The following CRPPA variants were observed in gnomAD, a reference collection of about 807,000 sequenced individuals.
CRPPA encodes the protein CDP-L-ribitol pyrophosphorylase A.
CRPPA carries 43 observed loss-of-function variants against 52.0 expected under a neutral mutation model. The observed-to-expected ratio is 0.83, with a 90% CI of 0.65 to 1.07. The LOEUF (loss-of-function observed/expected upper bound fraction) is 1.07, where lower values mean the gene tolerates loss of function less well. Among genes scored for constraint, CRPPA ranks in the 50% least tolerant of loss-of-function variants. The pLI is 0.00. For missense variants in CRPPA, 629 were observed against 551.7 expected (o/e 1.14, Z -1.40); for synonymous variants, 250 against 203.5 (o/e 1.23, Z -1.94).
At chr7:16,332,711 G>A (rs1237545789) in intron 3 of CRPPA, among the ~76,000 whole-genome samples, 1 of 151,842 alleles carries the variant, frequency 6.6e-6, no homozygotes, top group Non-Finnish European at 1.5e-5. Flanking sequence ...TAAAAAACAA[G>A]GCAGAAAAAC....
chr7:16,178,303 T>G (rs903846765), intron 9 of CRPPA, among the ~76,000 whole-genome samples: 1 of 152,104 alleles, frequency 6.6e-6, no homozygotes, highest in African/African-American at 2.4e-5. Context: ...TCTGCTGGCA[T>G]CTGGAGATTG....
At chr7:16,284,075 C>A (rs1015207745) in intron 5 of CRPPA, among the ~76,000 whole-genome samples, 19 of 151,912 alleles carry the variant, frequency 1.3e-4, no homozygotes, top group African/African-American at 4.3e-4. Flanking sequence ...ATTTTCTTTT[C>A]TTTTCTTTTT....
At chr7:16,410,083 G>A (rs1252815374) in intron 1 of CRPPA, among the ~76,000 whole-genome samples, 1 of 152,184 alleles carries the variant, frequency 6.6e-6, no homozygotes, top group East Asian at 1.9e-4. Context: ...AATGAAAACA[G>A]CATTCCCTAT....
intron 9 of CRPPA, among the ~76,000 whole-genome samples, chr7:16,103,356 T>C (rs1373886979): frequency 3.3e-5 from 5 of 152,116 alleles, no homozygotes; most frequent in African/African-American, 7.2e-5. Flanking sequence ...CTAATATAGA[T>C]GACGGGTTGA....
chr7:16,420,444 T>C (rs1788298377), intron 1 of CRPPA, among the ~76,000 whole-genome samples: 1 of 152,088 alleles, frequency 6.6e-6, no homozygotes, highest in Non-Finnish European at 1.5e-5. Flanking sequence ...CCTTATCCCA[T>C]TCCCTGTCTC....
chr7:16,104,546 A>T (rs1226586550), intron 9 of CRPPA, among the ~76,000 whole-genome samples: 1 of 152,254 alleles, frequency 6.6e-6, no homozygotes, highest in African/African-American at 2.4e-5. Flanking sequence ...GGTGGGCACA[A>T]AGTAGGAATA....
intron 8 of CRPPA, chr7:16,237,472 C>T (rs551784761): frequency 6.6e-6 from 1 of 152,148 alleles, no homozygotes; most frequent in East Asian, 1.9e-4. Context: ...GAGGGCTCTA[C>T]TCTCAAGATC....
intron 9 of CRPPA, among the ~76,000 whole-genome samples, chr7:16,136,193 T>C (rs184455140): frequency 5.1e-4 from 78 of 152,328 alleles, no homozygotes; most frequent in African/African-American, 1.9e-3. Context: ...CACATAAATA[T>C]AAAATCAAGT....
intron 9 of CRPPA, among the ~76,000 whole-genome samples, chr7:16,148,867 C>A (rs1194407148): frequency 6.6e-6 from 1 of 152,112 alleles, no homozygotes; most frequent in African/African-American, 2.4e-5. Context: ...GATGGATATG[C>A]TAATTGCCCT....
chr7:16,305,725 GTGTGGTGGCAAGCGCC>G (rs1220042366), intron 4 of CRPPA, among the ~76,000 whole-genome samples: 4 of 152,084 alleles, frequency 2.6e-5, no homozygotes, highest in Non-Finnish European at 4.4e-5. Context: ...AATTAGCTGA[GTGTGGTGGCAAGCGCC>G]TGTGGTGGCA....
chr7:16,352,851 C>G (rs1786191947), intron 3 of CRPPA, among the ~76,000 whole-genome samples: 1 of 148,676 alleles, frequency 6.7e-6, no homozygotes, highest in Non-Finnish European at 1.5e-5. Flanking sequence ...CTTAAGCGAC[C>G]AAAGGTCACA....
chr7:16,181,756 T>C (rs980132484), intron 9 of CRPPA, among the ~76,000 whole-genome samples: 1 of 152,010 alleles, frequency 6.6e-6, no homozygotes, highest in Non-Finnish European at 1.5e-5. Flanking sequence ...TCCACATATA[T>C]AACAGCCTCT....
At chr7:16,257,429 C>T (rs1783673434) in intron 8 of CRPPA, among the ~76,000 whole-genome samples, 1 of 152,006 alleles carries the variant, frequency 6.6e-6, no homozygotes. Context: ...CTATGAAGAT[C>T]AATTACATAA....
chr7:16,383,525 C>T (rs1787171963), intron 2 of CRPPA, among the ~76,000 whole-genome samples: 1 of 152,212 alleles, frequency 6.6e-6, no homozygotes, highest in African/African-American at 2.4e-5. Context: ...CTCTTCAAAG[C>T]TGTCAGACAG....
intron 2 of CRPPA, among the ~76,000 whole-genome samples, chr7:16,396,407 T>TA (rs1405717115): frequency 6.6e-5 from 10 of 151,712 alleles, no homozygotes; most frequent in East Asian, 3.9e-4. Context: ...AACCAAAACC[T>TA]AAAAAAAACA....
chr7:16,218,246 G>A (rs1386105763), intron 8 of CRPPA, among the ~76,000 whole-genome samples: 1 of 130,144 alleles, frequency 7.7e-6, no homozygotes, highest in African/African-American at 2.9e-5. Context: ...AATGCTGAGA[G>A]ATTTTGTCAC....
intron 3 of CRPPA, among the ~76,000 whole-genome samples, chr7:16,350,407 C>G (rs1786117643): frequency 6.6e-6 from 1 of 152,028 alleles, no homozygotes; most frequent in African/African-American, 2.4e-5. Flanking sequence ...AAAAACAAAA[C>G]TATTCAAAGC....
intron 9 of CRPPA, among the ~76,000 whole-genome samples, chr7:16,101,989 A>C (rs543119200): frequency 6.6e-6 from 1 of 152,276 alleles, no homozygotes; most frequent in Non-Finnish European, 1.5e-5. Flanking sequence ...AAAAGAGCCC[A>C]TACAGCCAAG....
At chr7:16,292,650 C>G (rs1000170111) in intron 5 of CRPPA, among the ~76,000 whole-genome samples, 5 of 151,912 alleles carry the variant, frequency 3.3e-5, no homozygotes, top group Admixed American at 1.3e-4. Context: ...GGGTTCAACT[C>G]CCTGATTAAT....
Sources: allele counts gnomAD v4.1 joint callset (sites outside exome capture counted in the v4.1 genomes callset), GRCh38; gene constraint gnomAD v4.1.1; transcripts MANE v1.5; gene names NCBI Gene and HGNC (gene_info 2026-07-23, HGNC 2026-07-21).